TSHZ2: variants seen among roughly 807,000 people sequenced by gnomAD.
TSHZ2 encodes teashirt zinc finger homeobox 2.
Under a neutral mutation model 74.4 loss-of-function variants are expected in TSHZ2, and 21 were observed. The ratio of observed to expected loss-of-function variants is 0.28; its 90% CI spans 0.20 to 0.41. TSHZ2 has a LOEUF of 0.41. Among genes scored for constraint, TSHZ2 ranks in the 10% least tolerant of loss-of-function variants. TSHZ2 has a pLI of 1.00. For missense variants in TSHZ2, 1,244 were observed against 1,293.5 expected (o/e 0.96, Z 0.59); for synonymous variants, 540 against 515.3 (o/e 1.05, Z -0.65).
intron 2 of TSHZ2, among the ~76,000 whole-genome samples, chr20:53,446,966 A>T (rs1022346903): frequency 3.3e-5 from 5 of 152,208 alleles, no homozygotes; most frequent in African/African-American, 1.2e-4. Flanking sequence ...ATAAGCAAAA[A>T]GACAGCTCTT....
intron 1 of TSHZ2, among the ~76,000 whole-genome samples, chr20:53,173,736 G>GT (rs1385708675): frequency 6.6e-6 from 1 of 152,026 alleles, no homozygotes; most frequent in Non-Finnish European, 1.5e-5. Context: ...GGGTGGGTGG[G>GT]TAGGCAGGTA....
chr20:53,248,446 C>G (rs1262054134), intron 1 of TSHZ2, among the ~76,000 whole-genome samples: 3 of 151,924 alleles, frequency 2.0e-5, no homozygotes, highest in Non-Finnish European at 2.9e-5. Flanking sequence ...TAATTTTTAC[C>G]CACATACTAT....
At chr20:53,455,780 A>C (rs935918507) in intron 2 of TSHZ2, among the ~76,000 whole-genome samples, 1 of 149,294 alleles carries the variant, frequency 6.7e-6, no homozygotes, top group Non-Finnish European at 1.5e-5. Context: ...CTCATTGTTC[A>C]ATTCCCACCT....
chr20:53,182,118 C>T (rs573118161), intron 1 of TSHZ2, among the ~76,000 whole-genome samples: 10 of 151,634 alleles, frequency 6.6e-5, no homozygotes, highest in African/African-American at 1.7e-4. Flanking sequence ...TTCCTTCCTC[C>T]CTTCTTTCTC....
intron 2 of TSHZ2, among the ~76,000 whole-genome samples, chr20:53,469,905 GGA>G (rs1985743032): frequency 2.0e-5 from 3 of 147,624 alleles, no homozygotes; most frequent in Admixed American, 2.0e-4. Context: ...AAAGGAGGAA[GGA>G]AGGAAGGAAG....
chr20:53,131,334 T>C (rs1298083301), intron 1 of TSHZ2, among the ~76,000 whole-genome samples: 2 of 152,234 alleles, frequency 1.3e-5, no homozygotes, highest in African/African-American at 4.8e-5. Context: ...AACAGCCTTG[T>C]CATCTTCATT....
chr20:53,404,524 A>G (rs1049623995), intron 2 of TSHZ2, among the ~76,000 whole-genome samples: 1 of 152,234 alleles, frequency 6.6e-6, no homozygotes, highest in African/African-American at 2.4e-5. Flanking sequence ...TCAGTTAATG[A>G]AAGCGTTGGG....
chr20:53,126,473 A>G (rs143118101), intron 1 of TSHZ2, among the ~76,000 whole-genome samples: 141 of 152,246 alleles, frequency 9.3e-4, no homozygotes, highest in African/African-American at 3.2e-3. Context: ...GTTTGGGGAG[A>G]AATATATTTG....
At chr20:53,260,488 G>T (rs1990580984) in intron 2 of TSHZ2, among the ~76,000 whole-genome samples, 1 of 152,168 alleles carries the variant, frequency 6.6e-6, no homozygotes, top group African/African-American at 2.4e-5. Context: ...GCTAGTGGCA[G>T]ACAAATAGAT....
At chr20:53,381,462 C>T (rs1172558390) in intron 2 of TSHZ2, among the ~76,000 whole-genome samples, 1 of 152,230 alleles carries the variant, frequency 6.6e-6, no homozygotes, top group East Asian at 1.9e-4. Context: ...ATGCACCATG[C>T]TTGCTCCCTG....
At chr20:53,279,309 T>A (rs1467586049) in intron 2 of TSHZ2, among the ~76,000 whole-genome samples, 1 of 152,242 alleles carries the variant, frequency 6.6e-6, no homozygotes, top group Non-Finnish European at 1.5e-5. Flanking sequence ...ATAGATTATA[T>A]CCCAGTGAAT....
At chr20:53,200,992 G>C (rs1180679637) in intron 1 of TSHZ2, among the ~76,000 whole-genome samples, 1 of 151,170 alleles carries the variant, frequency 6.6e-6, no homozygotes, top group Non-Finnish European at 1.5e-5. Context: ...ATCTATTTTG[G>C]GATATGTTTG....
chr20:53,476,168 C>A (rs1196572156), intron 2 of TSHZ2, among the ~76,000 whole-genome samples: 4 of 146,420 alleles, frequency 2.7e-5, no homozygotes, highest in Admixed American at 6.8e-5. Context: ...ATGAGGCCAG[C>A]ATCATTCTGA....
At chr20:53,288,782 G>A (rs1991222898) in intron 2 of TSHZ2, among the ~76,000 whole-genome samples, 1 of 152,084 alleles carries the variant, frequency 6.6e-6, no homozygotes, top group African/African-American at 2.4e-5. Flanking sequence ...TAGAGAGGAA[G>A]GCTATTTTAT....
At chr20:53,041,790 G>A (rs780889175) in intron 1 of TSHZ2, among the ~76,000 whole-genome samples, 2 of 152,204 alleles carry the variant, frequency 1.3e-5, no homozygotes, top group African/African-American at 2.4e-5. Context: ...TCCATGCCAC[G>A]AGTCTCCTGA....
intron 1 of TSHZ2, among the ~76,000 whole-genome samples, chr20:53,053,557 C>T (rs1984545421): frequency 7.3e-6 from 1 of 137,108 alleles, no homozygotes; most frequent in South Asian, 2.5e-4. Flanking sequence ...GTCTTAAAAG[C>T]TATATATGTA....
intron 1 of TSHZ2, among the ~76,000 whole-genome samples, chr20:53,174,619 G>A (rs1988282039): frequency 6.6e-6 from 1 of 152,196 alleles, no homozygotes; most frequent in African/African-American, 2.4e-5. Context: ...GCTCTGAGTT[G>A]TCAAGCCTGG....
intron 1 of TSHZ2, among the ~76,000 whole-genome samples, chr20:53,180,041 A>G (rs1457602742): frequency 6.6e-6 from 1 of 152,222 alleles, no homozygotes; most frequent in Non-Finnish European, 1.5e-5. Flanking sequence ...ATAAACTGTC[A>G]TTTATAGAAT....
chr20:53,247,828 A>G (rs1990241737), intron 1 of TSHZ2, among the ~76,000 whole-genome samples: 1 of 152,140 alleles, frequency 6.6e-6, no homozygotes, highest in East Asian at 1.9e-4. Context: ...AGCCTTCTTG[A>G]GTTTTAAATT....
Sources: gnomAD v4.1 joint callset for allele counts (sites outside exome capture counted in the v4.1 genomes callset) on GRCh38, gnomAD v4.1.1 for gene constraint, MANE v1.5 for transcripts, NCBI Gene and HGNC (gene_info 2026-07-23, HGNC 2026-07-21) for gene names.